USP36: variants seen among roughly 807,000 people sequenced by gnomAD.
USP36 encodes ubiquitin carboxyl-terminal hydrolase 36.
A neutral mutation model predicts 111.5 loss-of-function variants in USP36; 59 were observed. The ratio of observed to expected loss-of-function variants is 0.53; its 90% confidence interval spans 0.43 to 0.66. The LOEUF (loss-of-function observed/expected upper bound fraction) is 0.66, where lower values mean the gene tolerates loss of function less well. USP36 is among the 30% of genes least tolerant of loss of function. USP36 has a pLI of 0.00. For missense variants in USP36, 1,488 were observed against 1,468.0 expected (o/e 1.01, Z -0.22); for synonymous variants, 628 against 581.0 (o/e 1.08, Z -1.16).
intron 4 of USP36, among the ~76,000 whole-genome samples, chr17:78,831,499 G>A (rs537354125): frequency 6.6e-6 from 1 of 151,850 alleles, no homozygotes; most frequent in Admixed American, 6.6e-5. Context: ...TGTAATCCCA[G>A]CTACTTGGGA....
At position 78,827,374 on chromosome 17, in the gene USP36, A is replaced by T. The variant is rs377253280; in HGVS notation, c.587-27T>A. The T allele has an allele frequency of 2.5e-5, 39 of 1,591,592 alleles. No homozygotes were observed. The East Asian group carries it at 3.2e-4, about 13-fold the overall frequency. On this transcript the variant is annotated intron_variant, in intron 5 of 20. Coordinates refer to ENST00000449938, the MANE Select transcript of USP36 (RefSeq NM_001385174.1). Reference sequence around the variant, plus strand: ...TAAAAGAGGAAGAAACAGGGAGGGAAGAGCTCGTGTCTTCTCATCAAACGG... The same window carrying T: ...TAAAAGAGGAAGAAACAGGGAGGGATGAGCTCGTGTCTTCTCATCAAACGG...
rs770750731 is a variant in USP36 at position 78,802,346 on chromosome 17, G to A, written c.3000C>T (p.Gly1000=). ...TACCCATGCGGTCCCCAGGACACCA[G>A]CCATTCGCGGATGGTGCGCAGCTGC... ...ESSSCAPSAN[G]WCPGDRMGLS... The change falls in exon 17 of 21, where the codon GGC becomes GGT. Residue 1000 remains glycine, a synonymous_variant. Transcript: ENST00000449938. 1.3e-5 allele frequency: 20 copies of A among 1,591,084 alleles called. No individual in the cohort carries two copies. The South Asian group carries it at 2.1e-4, about 17-fold the overall frequency.
intron 6 of USP36, chr17:78,823,029 A>C (rs941163043): frequency 1.0e-5 from 4 of 398,124 alleles, no homozygotes; most frequent in Non-Finnish European, 1.8e-5. Flanking sequence ...GGCCACCCAG[A>C]CCATTCCACA....
intron 18 of USP36, 110 bp downstream of exon 18, chr17:78,799,557 G>A (rs1006273018): frequency 2.3e-5 from 22 of 966,540 alleles, no homozygotes; most frequent in Non-Finnish European, 3.0e-5. Context: ...TCAAAGCCGA[G>A]CGATGCCCGC....
At chr17:78,794,653 G>A (rs2093608426), downstream of USP36, among the ~76,000 whole-genome samples, 1 of 152,204 alleles carries the variant, frequency 6.6e-6, no homozygotes, top group Non-Finnish European at 1.5e-5. Context: ...GTCAGGCGCG[G>A]TGGCTCACAC....
At chr17:78,821,420 A>ATCT (rs1192213715) in intron 7 of USP36, 1 of 34,568 alleles carries the variant, frequency 2.9e-5, no homozygotes, top group Non-Finnish European at 4.6e-5. Flanking sequence ...ATATATATAT[A>ATCT]TTTTTTTTTT....
rs1311591246 is a variant in USP36 at position 78,798,138 on chromosome 17, AAC to A, written c.*20+260_*21-260del. ...TGCCAGGTGTACACACCCCACACCC[AAC>A]ACACACTACACACACCCCCTTATAC... On this transcript the variant is annotated intron_variant, in intron 20 of 20. Transcript: ENST00000449938. The surrounding 1 kb of genome is among the most constrained non-coding windows in gnomAD (Gnocchi z 5.1). 8.5e-6 allele frequency: 4 copies of A among 470,108 alleles called. No homozygotes were observed. Among genetic ancestry groups the A allele is most frequent in the Non-Finnish European group, 1.5e-5 (4 of 259,964 alleles). The allele number at this position is 470,108 out of a possible 1,614,324, so 29.1% of individuals were successfully genotyped here. A position where few individuals can be genotyped will look rare whatever the true frequency, so the allele number is the denominator to read the frequency against.
Position 78,821,040 on chromosome 17 carries a change from C to T in USP36, c.779G>A (p.Ser260Asn), listed in dbSNP as rs1462854316. ...GTAGGGGTCGTAGGTGTCCGAGACG[C>T]TCTTGCACACGGAGCACTTCACTGC... Reference protein sequence around the residue: ...RSRVKCSVCKSVSDTYDPYLD... With the variant: ...RSRVKCSVCKNVSDTYDPYLD... The change falls in exon 8 of 21, where the codon AGC (serine) becomes AAC (asparagine). Residue 260 changes from serine (S) to asparagine (N), a missense_variant. Physicochemically the swap from Ser to Asn is conservative, Grantham distance 46. Around this residue, in one of 3 missense-constraint regions of USP36, gnomAD observed 196 missense variants for 264.4 expected, o/e 0.74. Coordinates refer to ENST00000449938, the MANE Select transcript of USP36 (RefSeq NM_001385174.1). The T allele has an allele frequency of 1.2e-6, 2 of 1,605,780 alleles. No homozygotes were observed. Among genetic ancestry groups the T allele is most frequent in the African/African-American group, 2.7e-5 (2 of 74,796 alleles).
At chr17:78,834,481 C>G (rs1212765422) in intron 4 of USP36, among the ~76,000 whole-genome samples, 1 of 152,030 alleles carries the variant, frequency 6.6e-6, no homozygotes, top group Non-Finnish European at 1.5e-5. Flanking sequence ...CTTGCTCTGT[C>G]ACCCAGGCTG....
chr17:78,823,108 T>C, intron 6 of USP36: 1 of 398,790 alleles, frequency 2.5e-6, no homozygotes, highest in Non-Finnish European at 4.4e-6. Flanking sequence ...TGTGTGACTA[T>C]TTACCATGGC....
chr17:78,838,741 G>C lies in USP36; in HGVS notation c.-164C>G, dbSNP rs1041715816. Reference sequence around the variant, plus strand: ...TTCAAACACCGAAGCCGCAGAGCGGGCGTCAGAGCCTGTGGGAGGGACAGG... The same window carrying C: ...TTCAAACACCGAAGCCGCAGAGCGGCCGTCAGAGCCTGTGGGAGGGACAGG... On this transcript the variant is annotated 5_prime_UTR_variant, in exon 2 of 21. Transcript: ENST00000449938. The C allele has an allele frequency of 6.6e-6, 1 of 152,374 alleles. No individual in the cohort carries two copies. Among genetic ancestry groups the C allele is most frequent in the South Asian group, 2.1e-4 (1 of 4,830 alleles). 9.4% of individuals were successfully genotyped at this position (152,374 alleles called of 1,614,324 possible).
intron 18 of USP36, 108 bp downstream of exon 18, chr17:78,799,559 G>A (rs548523649): frequency 4.5e-5 from 44 of 986,388 alleles, no homozygotes; most frequent in Middle Eastern, 2.1e-4. Context: ...AAAGCCGAGC[G>A]ATGCCCGCCC....
At chr17:78,829,669 C>T (rs2067898781) in intron 4 of USP36, among the ~76,000 whole-genome samples, 1 of 152,204 alleles carries the variant, frequency 6.6e-6, no homozygotes, top group Non-Finnish European at 1.5e-5. Context: ...TTTATTTACA[C>T]ACACAGAGAG....
At position 78,807,168 on chromosome 17, in the gene USP36, C is replaced by A; in HGVS notation, c.1876G>T (p.Ala626Ser). ...EHSASSDSTK[A>S]PQTPRSGAAH... ...GCTCCACTCCTGGGGGTCTGGGGGGCCTTGGTGGAGTCGCTGCTGGCCGAG... is the reference window on the plus strand; with the variant it reads ...GCTCCACTCCTGGGGGTCTGGGGGGACTTGGTGGAGTCGCTGCTGGCCGAG... Residue 626 changes from alanine (A) to serine (S), a missense_variant, in exon 14 of 21, where the codon GCC (alanine) becomes TCC (serine). Around this residue, in one of 3 missense-constraint regions of USP36, gnomAD observed 1,073 missense variants for 994.1 expected, o/e 1.08. Coordinates refer to ENST00000449938, the MANE Select transcript of USP36 (RefSeq NM_001385174.1). 6.2e-7 allele frequency: 1 copy of A among 1,614,170 alleles called. No individual in the cohort carries two copies. Among genetic ancestry groups the A allele is most frequent in the Non-Finnish European group, 8.5e-7 (1 of 1,180,030 alleles).
intron 2 of USP36, 138 bp from the exon 3 acceptor site, chr17:78,836,510 C>A: frequency 8.7e-7 from 1 of 1,155,118 alleles, no homozygotes; most frequent in South Asian, 1.6e-5. Flanking sequence ...CCTGGATCAG[C>A]TGCACAAAGG....
intron 17 of USP36, among the ~76,000 whole-genome samples, chr17:78,802,051 C>T (rs2093756908): frequency 6.6e-6 from 1 of 152,248 alleles, no homozygotes; most frequent in East Asian, 1.9e-4. Context: ...TCAGCCTGTG[C>T]ACTCCCCAAT....
chr17:78,806,509 T>G (rs2093905573), intron 14 of USP36, among the ~76,000 whole-genome samples: 1 of 152,108 alleles, frequency 6.6e-6, no homozygotes, highest in African/African-American at 2.4e-5. Context: ...GAAGAAAATT[T>G]AAACAAAAAT....
chr17:78,809,099 A>G (rs183389993), intron 13 of USP36, among the ~76,000 whole-genome samples: 10 of 152,356 alleles, frequency 6.6e-5, no homozygotes, highest in Non-Finnish European at 1.3e-4. Context: ...CATGCACTAA[A>G]GTGATCTTCA....
downstream of USP36, among the ~76,000 whole-genome samples, chr17:78,794,391 G>C (rs1046157193): frequency 6.6e-6 from 1 of 152,154 alleles, no homozygotes; most frequent in African/African-American, 2.4e-5. Flanking sequence ...GCTGAGTCCT[G>C]CTGGCCAGCT....
Sources: gnomAD v4.1 joint callset for allele counts (sites outside exome capture counted in the v4.1 genomes callset) on GRCh38, gnomAD v4.1.1 for gene constraint, gnomAD v4.1.1 regional missense constraint, Gnocchi (gnomAD v3.1) non-coding constraint, MANE v1.5 for transcripts, NCBI Gene and HGNC (gene_info 2026-07-23, HGNC 2026-07-21) for gene names.